The following RTN3 variants were observed in gnomAD, a reference collection of about 807,000 sequenced individuals.
RTN3 encodes the protein reticulon-3.
Under a neutral mutation model 77.8 loss-of-function variants are expected in RTN3, and 49 were observed. That is an observed-to-expected ratio of 0.63 (90% CI 0.50 to 0.80). The LOEUF (loss-of-function observed/expected upper bound fraction) is 0.80. Ranked by LOEUF, RTN3 falls within the 30% of genes least tolerant of loss-of-function variation. The pLI is 0.00. For synonymous variants in RTN3, 464 were observed against 446.9 expected (o/e 1.04, Z -0.48); for missense variants, 1,236 against 1,211.9 (o/e 1.02, Z -0.29).
chr11:63,692,552 A>G (rs922568559), intron 1 of RTN3, among the ~76,000 whole-genome samples: 1 of 152,026 alleles, frequency 6.6e-6, no homozygotes, highest in African/African-American at 2.4e-5. Context: ...AGGTCAGGAG[A>G]TGGAGACCAT....
At position 63,692,965 on chromosome 11, in the gene RTN3, C is replaced by A. The variant is rs149259546; in HGVS notation, c.142+11187C>A. Among the ~76,000 whole-genome samples, 168 of 152,274 alleles carry A rather than the reference C, an allele frequency of 1.1e-3. 1 individual carries two copies. Among genetic ancestry groups the A allele is most frequent in the African/African-American group, 3.8e-3 (157 of 41,556 alleles). On this transcript the variant is annotated intron_variant, in intron 1 of 8. Coordinates refer to ENST00000377819, the MANE Select transcript of RTN3 (RefSeq NM_001265589.2). ...AGAAAGAAAAAAAGAGAGATGGGGT[C>A]TCACCATATTGCCCATGCTGGTCTT...
chr11:63,755,497 C>T (rs1242763297), intron 7 of RTN3, among the ~76,000 whole-genome samples: 1 of 151,138 alleles, frequency 6.6e-6, no homozygotes, highest in East Asian at 1.9e-4. Flanking sequence ...ATTAAAAATA[C>T]AAAATTAGCC....
intron 2 of RTN3, among the ~76,000 whole-genome samples, chr11:63,708,997 A>G (rs564706043): frequency 3.9e-5 from 6 of 152,332 alleles, no homozygotes; most frequent in East Asian, 3.9e-4. Flanking sequence ...AAGCAGTTCT[A>G]TGAAGGGAAG....
At chr11:63,687,575 A>C (rs1332947265) in intron 1 of RTN3, among the ~76,000 whole-genome samples, 4 of 151,358 alleles carry the variant, frequency 2.6e-5, no homozygotes, top group Admixed American at 6.6e-5. Flanking sequence ...GCGCCATTGC[A>C]CTCCAGCCTG....
At chr11:63,684,573 G>C (rs1370576252) in intron 1 of RTN3, among the ~76,000 whole-genome samples, 1 of 151,194 alleles carries the variant, frequency 6.6e-6, no homozygotes, top group Non-Finnish European at 1.5e-5. Context: ...GATTACAGAT[G>C]GGAGCCACTG....
chr11:63,696,465 C>T (rs61928203), intron 1 of RTN3, among the ~76,000 whole-genome samples: 19,392 of 150,268 alleles, frequency 0.13, 1,336 homozygotes, highest in South Asian at 0.17. Flanking sequence ...CCCAGCACTT[C>T]GGGAGGCTAA....
At chr11:63,702,731 G>C (rs1942305046) in intron 1 of RTN3, among the ~76,000 whole-genome samples, 1 of 151,172 alleles carries the variant, frequency 6.6e-6, no homozygotes, top group African/African-American at 2.4e-5. Context: ...TGTTGCCCAG[G>C]CTGGAGTGCA....
At chr11:63,696,312 A>G (rs1278477982) in intron 1 of RTN3, among the ~76,000 whole-genome samples, 2 of 151,374 alleles carry the variant, frequency 1.3e-5, no homozygotes, top group Non-Finnish European at 2.9e-5. Context: ...CAGGAGAATC[A>G]CTTGAACCTG....
At chr11:63,711,398 A>AT (rs140899655) in intron 2 of RTN3, among the ~76,000 whole-genome samples, 52 of 135,880 alleles carry the variant, frequency 3.8e-4, no homozygotes, top group African/African-American at 9.0e-4. Context: ...TTTTTTTGTT[A>AT]TTTTTTTTTG....
chr11:63,734,781 A>ACACACACACCCC (rs778043704), intron 3 of RTN3, among the ~76,000 whole-genome samples: 19 of 105,000 alleles, frequency 1.8e-4, no homozygotes, highest in East Asian at 1.0e-3. Flanking sequence ...ACACACACAC[A>ACACACACACCCC]CCATACTGGA....
At chr11:63,728,325 G>A (rs2012427197) in intron 3 of RTN3, among the ~76,000 whole-genome samples, 1 of 152,104 alleles carries the variant, frequency 6.6e-6, no homozygotes, top group Admixed American at 6.6e-5. Flanking sequence ...GCAAAAACAT[G>A]TACTGGCAAT....
rs2011589602 is a variant in RTN3, at chr11:63,719,370, A to T, written c.868A>T (p.Thr290Ser). ...DKESSEDISE[T>S]NDKLFPLRNK... ...AGAATCATCCGAAGACATTTCAGAG[A>T]CTAATGACAAGCTTTTTCCACTGAG... The change falls in exon 3 of 9, where the codon ACT (threonine) becomes TCT (serine). Residue 290 changes from threonine to serine, a missense_variant. By Grantham distance (58) the Thr-to-Ser change is moderately conservative. Around this residue, in one of 3 missense-constraint regions of RTN3, gnomAD observed 1,056 missense variants for 990.4 expected, o/e 1.07. Coordinates refer to ENST00000377819, the MANE Select transcript of RTN3 (RefSeq NM_001265589.2). 1 of 1,614,084 alleles carries T rather than the reference A, an allele frequency of 6.2e-7. No individual in the cohort carries two copies. Among genetic ancestry groups the T allele is most frequent in the African/African-American group, 1.3e-5 (1 of 74,928 alleles).
At chr11:63,757,413 C>A (rs2135072716) in intron 8 of RTN3, among the ~76,000 whole-genome samples, 1 of 152,246 alleles carries the variant, frequency 6.6e-6, no homozygotes, top group African/African-American at 2.4e-5. Context: ...TGCAGTGGCA[C>A]AAGCTGAAAG....
intron 1 of RTN3, among the ~76,000 whole-genome samples, chr11:63,704,230 T>C (rs113691690): frequency 1.2e-4 from 18 of 152,196 alleles, no homozygotes; most frequent in African/African-American, 3.9e-4. Context: ...TTCGAACTCC[T>C]GACCTCAGGT....
chr11:63,695,194 C>T (rs1941876598), intron 1 of RTN3, among the ~76,000 whole-genome samples: 1 of 152,150 alleles, frequency 6.6e-6, no homozygotes, highest in Non-Finnish European at 1.5e-5. Flanking sequence ...GGGCTTTAAC[C>T]CTCAGGTGCT....
At chr11:63,726,063 T>A (rs1252510864) in intron 3 of RTN3, among the ~76,000 whole-genome samples, 1 of 151,972 alleles carries the variant, frequency 6.6e-6, no homozygotes, top group East Asian at 1.9e-4. Flanking sequence ...AGAAAAAAAA[T>A]GAATCTATAT....
At chr11:63,734,668 G>T (rs552185141) in intron 3 of RTN3, among the ~76,000 whole-genome samples, 1 of 151,668 alleles carries the variant, frequency 6.6e-6, no homozygotes, top group East Asian at 1.9e-4. Context: ...GGAGGCGGAG[G>T]TTGCAATGAG....
At chr11:63,692,793 T>G (rs1397435705) in intron 1 of RTN3, among the ~76,000 whole-genome samples, 1 of 151,934 alleles carries the variant, frequency 6.6e-6, no homozygotes, top group Non-Finnish European at 1.5e-5. Context: ...AAGGAAGGAA[T>G]GCTTTTATAG....
intron 2 of RTN3, among the ~76,000 whole-genome samples, chr11:63,706,228 C>A (rs1942488908): frequency 6.6e-6 from 1 of 152,048 alleles, no homozygotes; most frequent in Non-Finnish European, 1.5e-5. Flanking sequence ...GTCACCCTGG[C>A]TGAAGGGCAA....
Sources: allele counts gnomAD v4.1 joint callset (sites outside exome capture counted in the v4.1 genomes callset), GRCh38; gene constraint gnomAD v4.1.1; regional missense constraint gnomAD v4.1.1; transcripts MANE v1.5; gene names NCBI Gene and HGNC (gene_info 2026-07-23, HGNC 2026-07-21).